VPS8: variants seen among roughly 807,000 people sequenced by gnomAD.
VPS8 encodes the protein VPS8 subunit of CORVET complex.
In VPS8, 129 loss-of-function variants were observed where a neutral mutation model predicts 216.4. That is an observed-to-expected ratio of 0.60 (90% CI 0.52 to 0.69). The LOEUF (loss-of-function observed/expected upper bound fraction) is 0.69, where lower values mean the gene tolerates loss of function less well. Among genes scored for constraint, VPS8 ranks in the 30% least tolerant of loss-of-function variants. VPS8 has a pLI of 0.00. For missense variants in VPS8, 1,531 were observed against 1,683.5 expected, an observed-to-expected ratio of 0.91 and a Z score of 1.59; for synonymous variants, 571 against 565.4, an observed-to-expected ratio of 1.01 and a Z score of -0.14.
At chr3:184,855,660 T>G (rs916448476) in intron 13 of VPS8, 51 bp from the exon 14 acceptor site, 3 of 1,393,596 alleles carry the variant, frequency 2.2e-6, no homozygotes, top group African/African-American at 2.9e-5. Flanking sequence ...TTTCTCTTTG[T>G]CCCCTTGTTT....
chr3:185,022,951 G>A (rs1252963206), intron 45 of VPS8, among the ~76,000 whole-genome samples: 1 of 151,998 alleles, frequency 6.6e-6, no homozygotes. Flanking sequence ...TTTAACCACT[G>A]TTTTAGTTAT....
intron 1 of VPS8, among the ~76,000 whole-genome samples, chr3:184,817,844 A>G (rs1441672238): frequency 6.6e-6 from 1 of 152,218 alleles, no homozygotes; most frequent in Admixed American, 6.5e-5. Flanking sequence ...CCCCATTTTT[A>G]TTATATAGCT....
chr3:184,815,174 G>C (rs2108456275), intron 1 of VPS8, among the ~76,000 whole-genome samples: 1 of 152,130 alleles, frequency 6.6e-6, no homozygotes, highest in Non-Finnish European at 1.5e-5. Context: ...CTGTTTTACA[G>C]CTAATTTTTA....
intron 22 of VPS8, chr3:184,893,340 C>T (rs1389835979): frequency 1.6e-6 from 2 of 1,266,302 alleles, no homozygotes; most frequent in South Asian, 2.6e-5. Context: ...AAACCATTTA[C>T]CACTTTCTAC....
At chr3:184,842,206 A>G (rs1342306546) in intron 7 of VPS8, among the ~76,000 whole-genome samples, 1 of 150,112 alleles carries the variant, frequency 6.7e-6, no homozygotes, top group Non-Finnish European at 1.5e-5. Context: ...AAAAAAAAAA[A>G]AAAGAATATG....
intron 16 of VPS8, among the ~76,000 whole-genome samples, chr3:184,863,339 C>T (rs770325217): frequency 7.2e-5 from 11 of 151,876 alleles, no homozygotes; most frequent in East Asian, 5.8e-4. Context: ...AAAATAATGA[C>T]GTATAATGGA....
intron 32 of VPS8, among the ~76,000 whole-genome samples, chr3:184,928,884 GTAAA>G (rs1428925058): frequency 2.0e-5 from 3 of 152,018 alleles, no homozygotes; most frequent in African/African-American, 7.2e-5. Flanking sequence ...ATTTGACGTA[GTAAA>G]TAAGATGATA....
intron 46 of VPS8, among the ~76,000 whole-genome samples, chr3:185,038,670 C>T (rs1186977402): frequency 6.6e-6 from 1 of 152,206 alleles, no homozygotes; most frequent in Non-Finnish European, 1.5e-5. Context: ...TATTTTAGAA[C>T]CTACTTCTTT....
At chr3:184,996,208 A>T in intron 43 of VPS8, 124 bp from the exon 44 acceptor site, 2 of 1,149,288 alleles carry the variant, frequency 1.7e-6, no homozygotes, top group Non-Finnish European at 2.4e-6. Context: ...ATCCCTTTAT[A>T]GTGTGTTTCA....
intron 8 of VPS8, among the ~76,000 whole-genome samples, chr3:184,844,934 C>T (rs903599430): frequency 2.6e-5 from 4 of 152,182 alleles, no homozygotes; most frequent in African/African-American, 9.7e-5. Flanking sequence ...TCTTTGTCAA[C>T]TCAGTGAAGT....
chr3:184,893,532 A>C (rs971030658), intron 22 of VPS8: 3 of 425,674 alleles, frequency 7.0e-6, no homozygotes, highest in African/African-American at 6.5e-5. Context: ...TTTGCTGGTC[A>C]TAAAAGAATT....
At chr3:184,929,001 A>G (rs1375851501) in intron 32 of VPS8, among the ~76,000 whole-genome samples, 1 of 152,122 alleles carries the variant, frequency 6.6e-6, no homozygotes, top group Non-Finnish European at 1.5e-5. Context: ...TTAATATCTA[A>G]CATATTCACT....
Position 184,929,573 on chromosome 3 carries a change from A to G in VPS8, c.2715-7A>G, listed in dbSNP as rs1449272654. The G allele has an allele frequency of 6.8e-6, 10 of 1,480,658 alleles. No individual in the cohort carries two copies. Among genetic ancestry groups the G allele is most frequent in the Non-Finnish European group, 8.3e-6 (9 of 1,090,190 alleles). 91.7% of individuals were successfully genotyped at this position (1,480,658 alleles called of 1,614,324 possible). On this transcript the variant is annotated splice_polypyrimidine_tract_variant and splice_region_variant and intron_variant, in intron 32 of 47. Transcript: ENST00000625842. ...GGTACACTGAAGTTTTTCCCTTTAC[A>G]TTCTAGCTATCAAATTTGTGAATTT...
chr3:184,994,261 G>T lies in VPS8; in HGVS notation c.3666+198G>T, dbSNP rs1226482036. ...TCATACCTGTAACGCCAGCACTTTGGAAGACTGAGACAGGAGGATTGCCAG... is the reference window on the plus strand; with the variant it reads ...TCATACCTGTAACGCCAGCACTTTGTAAGACTGAGACAGGAGGATTGCCAG... On this transcript the variant is annotated intron_variant, in intron 43 of 47. Coordinates refer to ENST00000625842, the MANE Select transcript of VPS8 (RefSeq NM_001009921.3). 3.9e-5 allele frequency among the ~76,000 whole-genome samples: 6 copies of T among 152,026 alleles called. 1 individual carries two copies. The highest frequency in any genetic ancestry group is 3.9e-4 in the Admixed American group (6 of 15,270).
At chr3:185,023,958 T>G (rs908388821) in intron 45 of VPS8, among the ~76,000 whole-genome samples, 9 of 152,244 alleles carry the variant, frequency 5.9e-5, no homozygotes, top group African/African-American at 1.9e-4. Context: ...CATGCTTTGC[T>G]TCAAAGGGAT....
rs369634631 is a variant in VPS8 at position 184,894,531 on chromosome 3, T to TAC, written c.1782-160_1782-159dup. On this transcript the variant is annotated intron_variant, in intron 22 of 47. Coordinates refer to ENST00000625842, the MANE Select transcript of VPS8 (RefSeq NM_001009921.3). ...ACGTATATATATATATATATATATA[T>TAC]ACACACACACACAAAGTTTTTGCAG... Among the ~76,000 whole-genome samples the TAC allele has an allele frequency of 4.2e-3, 417 of 98,962 alleles. 11 individuals are homozygous for TAC. Among genetic ancestry groups the TAC allele is most frequent in the Middle Eastern group, 0.03 (5 of 164 alleles). The allele number at this position is 98,962 out of a possible 152,430, so 64.9% of individuals were successfully genotyped here.
rs1277694695 is a variant in VPS8, at chr3:184,939,044, A to AG, written c.2989-1153_2989-1152insG. 2.0e-5 allele frequency among the ~76,000 whole-genome samples: 3 copies of AG among 152,056 alleles called. No individual in the cohort carries two copies. In the East Asian group the frequency reaches 5.8e-4, roughly 29 times the overall value. ...GACCCTGTCTCAAAAAAAAAAAAAA[A>AG]AAAAGGTCTGTTTGTGGAGTCTTAG... On this transcript the variant is annotated intron_variant, in intron 35 of 47. Coordinates refer to ENST00000625842, the MANE Select transcript of VPS8 (RefSeq NM_001009921.3).
intron 5 of VPS8, among the ~76,000 whole-genome samples, chr3:184,837,413 C>A (rs1249035087): frequency 6.6e-6 from 1 of 152,184 alleles, no homozygotes; most frequent in Admixed American, 6.5e-5. Flanking sequence ...TGAGGTCTTA[C>A]TAGAGTTTTT....
At chr3:184,977,993 G>A (rs1457130069) in intron 40 of VPS8, among the ~76,000 whole-genome samples, 1 of 150,752 alleles carries the variant, frequency 6.6e-6, no homozygotes, top group Non-Finnish European at 1.5e-5. Context: ...TTTTGGAAGA[G>A]TTTCAGTAGA....
Sources: allele counts gnomAD v4.1 joint callset (sites outside exome capture counted in the v4.1 genomes callset), GRCh38; gene constraint gnomAD v4.1.1; transcripts MANE v1.5; gene names NCBI Gene and HGNC (gene_info 2026-07-23, HGNC 2026-07-21).